The following ADCK1 variants were observed in gnomAD, a reference collection of about 807,000 sequenced individuals.
The protein encoded by ADCK1 is aarF domain-containing protein kinase 1.
Under a neutral mutation model 52.3 loss-of-function variants are expected in ADCK1, and 41 were observed. The ratio of observed to expected loss-of-function variants is 0.78; its 90% CI spans 0.61 to 1.02. ADCK1 has a LOEUF of 1.02. Ranked by LOEUF, ADCK1 falls within the 50% of genes least tolerant of loss-of-function variation. The pLI is 0.00. For synonymous variants in ADCK1, 250 were observed against 274.6 expected, an observed-to-expected ratio of 0.91 and a Z score of 0.89; for missense variants, 658 against 679.5, an observed-to-expected ratio of 0.97 and a Z score of 0.35.
At chr14:77,909,459 C>T (rs184142249) in intron 7 of ADCK1, among the ~76,000 whole-genome samples, 2 of 152,254 alleles carry the variant, frequency 1.3e-5, no homozygotes, top group South Asian at 2.1e-4. Context: ...CTATTCCACT[C>T]CCCATGTCCA....
At chr14:77,842,759 A>G (rs1370006771) in intron 3 of ADCK1, among the ~76,000 whole-genome samples, 1 of 151,928 alleles carries the variant, frequency 6.6e-6, no homozygotes, top group Admixed American at 6.6e-5. Flanking sequence ...CATGTTGGCC[A>G]GGCTTGTCTT....
chr14:77,925,723 G>C, intron 8 of ADCK1, 41 bp from the exon 9 acceptor site: 1 of 1,600,574 alleles, frequency 6.2e-7, no homozygotes, highest in South Asian at 1.1e-5. Flanking sequence ...CTTTGGTGGG[G>C]AGACGAGGCT....
At chr14:77,842,449 TTCCTTCCTTCC>T (rs1268348036) in intron 3 of ADCK1, among the ~76,000 whole-genome samples, 16 of 41,188 alleles carry the variant, frequency 3.9e-4, no homozygotes, top group South Asian at 2.5e-3. Flanking sequence ...GTATTTTTTT[TTCCTTCCTTCC>T]TTCCTTCCTT....
At chr14:77,830,654 G>C (rs968511838) in intron 3 of ADCK1, among the ~76,000 whole-genome samples, 1 of 142,200 alleles carries the variant, frequency 7.0e-6, no homozygotes, top group Admixed American at 6.8e-5. Flanking sequence ...TTGAGCTTCT[G>C]TGTTGGACAG....
Position 77,934,595 on chromosome 14 carries a change from C to T in ADCK1, c.*1204C>T. ...TTGCTTGCTGCCAGCACTGCCTCTC[C>T]CCCCAGCCTGGTTGTCTGCTTCTGT... On this transcript the variant is annotated 3_prime_UTR_variant, in exon 11 of 11. Coordinates refer to ENST00000238561, the MANE Select transcript of ADCK1 (RefSeq NM_020421.4). 1 of 152,380 alleles carries T rather than the reference C, an allele frequency of 6.6e-6. No homozygotes were observed. The highest frequency in any genetic ancestry group is 1.5e-5 in the Non-Finnish European group (1 of 68,132). 9.4% of individuals were successfully genotyped at this position (152,380 alleles called of 1,614,324 possible). A position where few individuals can be genotyped will look rare whatever the true frequency, so the allele number is the denominator to read the frequency against.
At chr14:77,839,658 C>T (rs965087513) in intron 3 of ADCK1, among the ~76,000 whole-genome samples, 6 of 151,844 alleles carry the variant, frequency 4.0e-5, no homozygotes, top group South Asian at 4.2e-4. Flanking sequence ...AGATGGGGCC[C>T]GATGTGGTGG....
chr14:77,808,563 A>T (rs991239770), intron 1 of ADCK1, among the ~76,000 whole-genome samples: 7 of 151,614 alleles, frequency 4.6e-5, no homozygotes, highest in African/African-American at 1.7e-4. Flanking sequence ...ATAGACATCC[A>T]CTACATTTAT....
intron 7 of ADCK1, among the ~76,000 whole-genome samples, chr14:77,922,154 A>G (rs1285814016): frequency 1.3e-5 from 2 of 152,116 alleles, no homozygotes; most frequent in African/African-American, 2.4e-5. Context: ...CTCACAGAAG[A>G]GGTTATTGGT....
intron 7 of ADCK1, among the ~76,000 whole-genome samples, chr14:77,921,275 C>T (rs533006823): frequency 6.2e-5 from 8 of 129,442 alleles, no homozygotes; most frequent in African/African-American, 5.9e-5. Flanking sequence ...TGCAGTGAGC[C>T]GAGATCGGGC....
chr14:77,917,987 C>T (rs947002448), intron 7 of ADCK1, among the ~76,000 whole-genome samples: 8 of 152,148 alleles, frequency 5.3e-5, no homozygotes, highest in African/African-American at 1.9e-4. Context: ...TAACTGCCGA[C>T]CAAGTGACCG....
chr14:77,867,334 T>C (rs1695053814), intron 4 of ADCK1, among the ~76,000 whole-genome samples: 1 of 152,192 alleles, frequency 6.6e-6, no homozygotes, highest in African/African-American at 2.4e-5. Context: ...AAGGATCTGG[T>C]GGCCATGAAG....
intron 1 of ADCK1, among the ~76,000 whole-genome samples, chr14:77,803,623 C>T (rs1425048140): frequency 6.6e-6 from 1 of 152,148 alleles, no homozygotes; most frequent in Non-Finnish European, 1.5e-5. Context: ...ATAAAACAGC[C>T]ATGTCAGCTT....
At chr14:77,827,568 T>G (rs2081742723) in intron 3 of ADCK1, among the ~76,000 whole-genome samples, 1 of 152,048 alleles carries the variant, frequency 6.6e-6, no homozygotes, top group Non-Finnish European at 1.5e-5. Flanking sequence ...TTTTTTTTCT[T>G]TTTCTTTTTT....
chr14:77,927,100 C>T (rs1374156003), intron 9 of ADCK1, among the ~76,000 whole-genome samples: 1 of 152,124 alleles, frequency 6.6e-6, no homozygotes, highest in Non-Finnish European at 1.5e-5. Context: ...TGGTCCTCAT[C>T]ACCTCTTTGA....
intron 1 of ADCK1, among the ~76,000 whole-genome samples, chr14:77,801,915 T>C (rs1436337829): frequency 6.6e-6 from 1 of 152,066 alleles, no homozygotes; most frequent in Non-Finnish European, 1.5e-5. Flanking sequence ...CACTCCAGCC[T>C]GGGCGACTGA....
chr14:77,897,046 A>G (rs1032657526), intron 5 of ADCK1, among the ~76,000 whole-genome samples: 2 of 152,200 alleles, frequency 1.3e-5, no homozygotes, highest in Non-Finnish European at 2.9e-5. Context: ...GGGCAAAAAG[A>G]AGCATGAGAC....
chr14:77,853,534 T>C (rs1340071003), intron 3 of ADCK1, among the ~76,000 whole-genome samples: 1 of 152,234 alleles, frequency 6.6e-6, no homozygotes, highest in African/African-American at 2.4e-5. Flanking sequence ...ATCTTGCTTT[T>C]AATATTTGTT....
rs369665288 is a variant in ADCK1 at position 77,899,190 on chromosome 14, G to T, written c.673G>T (p.Asp225Tyr). The change falls in exon 6 of 11, where the codon GAT becomes TAT. Residue 225 changes from aspartate (D) to tyrosine (Y), a missense_variant. By Grantham distance (160) the Asp-to-Tyr change is radical. Coordinates refer to ENST00000238561, the MANE Select transcript of ADCK1 (RefSeq NM_020421.4). ...EAKKNLPLEL[D>Y]FLNEGRNAEK... ...CAAGAAGAACCTGCCTTTGGAGCTG[G>T]ATTTCCTCAATGAAGGGAGGAATGC... The T allele has an allele frequency of 5.5e-5, 88 of 1,614,198 alleles. 1 individual carries two copies. In the Middle Eastern group the frequency reaches 4.1e-3, roughly 76 times the overall value.
At chr14:77,932,240 G>A (rs944406492) in intron 10 of ADCK1, among the ~76,000 whole-genome samples, 1 of 151,940 alleles carries the variant, frequency 6.6e-6, no homozygotes, top group Non-Finnish European at 1.5e-5. Flanking sequence ...GTAGAGACGG[G>A]GTTTCACCGT....
Sources: gnomAD v4.1 joint callset for allele counts (sites outside exome capture counted in the v4.1 genomes callset) on GRCh38, gnomAD v4.1.1 for gene constraint, MANE v1.5 for transcripts, NCBI Gene and HGNC (gene_info 2026-07-23, HGNC 2026-07-21) for gene names.